EPHX1: variants seen among roughly 807,000 people sequenced by gnomAD.
EPHX1 encodes epoxide hydrolase 1.
Under a neutral mutation model 43.2 loss-of-function variants are expected in EPHX1, and 40 were observed. That is an observed-to-expected ratio of 0.93 (90% confidence interval 0.72 to 1.21). The LOEUF (loss-of-function observed/expected upper bound fraction) is 1.21. Ranked by LOEUF, EPHX1 falls within the 50% of genes most tolerant of loss-of-function variation. The probability of loss-of-function intolerance (pLI) is 0.00; values close to 1 mark genes in which losing one functional copy is unlikely to be tolerated. For synonymous variants in EPHX1, 221 were observed against 226.7 expected, an observed-to-expected ratio of 0.98 and a Z score of 0.22; for missense variants, 550 against 570.4, an observed-to-expected ratio of 0.96 and a Z score of 0.36.
At chr1:225,844,652 C>A in intron 8 of EPHX1, 29 bp downstream of exon 8, 1 of 1,613,072 alleles carries the variant, frequency 6.2e-7, no homozygotes, top group East Asian at 2.2e-5. Context: ...AGAACAGGGG[C>A]CTCTGAGGCT....
intron 2 of EPHX1, among the ~76,000 whole-genome samples, chr1:225,829,371 G>C (rs558861480): frequency 6.6e-6 from 1 of 152,182 alleles, no homozygotes; most frequent in African/African-American, 2.4e-5. Flanking sequence ...GTGATCCCGC[G>C]GGGTGAGGAT....
intron 1 of EPHX1, among the ~76,000 whole-genome samples, chr1:225,813,544 C>G (rs1395895346): frequency 6.6e-6 from 1 of 152,238 alleles, no homozygotes; most frequent in African/African-American, 2.4e-5. Flanking sequence ...CTGCGCAATC[C>G]AATCCTCCGT....
intron 1 of EPHX1, among the ~76,000 whole-genome samples, chr1:225,812,375 CT>C (rs1260444648): frequency 6.6e-6 from 1 of 152,240 alleles, no homozygotes; most frequent in East Asian, 1.9e-4. Context: ...CTGAAGCACA[CT>C]AGCTGGCATG....
chr1:225,844,418 T>G, intron 7 of EPHX1, 80 bp from the exon 8 acceptor site: 1 of 1,609,890 alleles, frequency 6.2e-7, no homozygotes, highest in East Asian at 2.2e-5. Context: ...GGGCCTGGCA[T>G]TTGTAGGACT....
chr1:225,815,117 C>CCCAGGCTGGT (rs1666660904), intron 1 of EPHX1, among the ~76,000 whole-genome samples: 3 of 85,692 alleles, frequency 3.5e-5, no homozygotes, highest in Admixed American at 1.2e-4. Flanking sequence ...CGGGGCACAG[C>CCCAGGCTGGT]CACCAGGTGG....
At chr1:225,824,375 G>A (rs12753757) in intron 1 of EPHX1, among the ~76,000 whole-genome samples, 11,062 of 152,220 alleles carry the variant, frequency 0.073, 575 homozygotes, top group East Asian at 0.21. Context: ...GAGTGCTGTG[G>A]CCACAGATTC....
chr1:225,823,132 A>G (rs917646143), intron 1 of EPHX1, among the ~76,000 whole-genome samples: 5 of 152,180 alleles, frequency 3.3e-5, no homozygotes, highest in Admixed American at 2.0e-4. Context: ...GAGCCCCTCA[A>G]CTAGTAAACA....
Position 225,817,475 on chromosome 1 carries a change from G to A in EPHX1, c.-6+7306G>A, listed in dbSNP as rs1331110138. On this transcript the variant is annotated intron_variant, in intron 1 of 8. Transcript: ENST00000272167. This position sits in a 1 kb window ranked among gnomAD's most constrained non-coding sequence, Gnocchi z 5.7. The stretch of plus-strand genomic sequence containing the variant: ...GGATGTTCCCTTCGCCTTCCCCAGG[G>A]AGGAGTGATGAGGCTGGGGTGCTGG... Among the ~76,000 whole-genome samples, 10 of 152,330 alleles carry A rather than the reference G, an allele frequency of 6.6e-5. No homozygotes were observed. Among genetic ancestry groups the A allele is most frequent in the Non-Finnish European group, 1.5e-5 (1 of 68,024 alleles).
chr1:225,812,879 G>GA (rs1666552052), intron 1 of EPHX1, among the ~76,000 whole-genome samples: 1 of 152,148 alleles, frequency 6.6e-6, no homozygotes, highest in African/African-American at 2.4e-5. Flanking sequence ...ATCTCATACT[G>GA]AAAACCCACC....
At chr1:225,844,678 G>A in intron 8 of EPHX1, 55 bp downstream of exon 8, 1 of 1,607,696 alleles carries the variant, frequency 6.2e-7, no homozygotes, top group Non-Finnish European at 8.5e-7. Flanking sequence ...CAGGGGGACG[G>A]CCAGTCTTGG....
At chr1:225,824,400 G>T (rs1166369580) in intron 1 of EPHX1, among the ~76,000 whole-genome samples, 2 of 152,148 alleles carry the variant, frequency 1.3e-5, no homozygotes, top group Non-Finnish European at 2.9e-5. Context: ...CCTCACAACT[G>T]CAGTGTGATT....
At chr1:225,844,474 G>C in intron 7 of EPHX1, 24 bp from the exon 8 acceptor site, 1 of 1,613,912 alleles carries the variant, frequency 6.2e-7, no homozygotes, top group East Asian at 2.2e-5. Context: ...ACTGAGAGTG[G>C]GGCTTTGTGT....
chr1:225,820,913 G>C (rs1031695044), intron 1 of EPHX1, among the ~76,000 whole-genome samples: 2 of 152,036 alleles, frequency 1.3e-5, no homozygotes, highest in Non-Finnish European at 2.9e-5. Flanking sequence ...TTGTGTGTTA[G>C]TCCTGGTGCC....
chr1:225,823,769 T>TC (rs1667092860), intron 1 of EPHX1, among the ~76,000 whole-genome samples: 1 of 151,930 alleles, frequency 6.6e-6, no homozygotes. Context: ...GCGTGAGCAG[T>TC]CCTTCTCACT....
At chr1:225,825,353 C>T (rs1480223580) in intron 1 of EPHX1, 2 of 152,272 alleles carry the variant, frequency 1.3e-5, no homozygotes, top group African/African-American at 4.8e-5. Flanking sequence ...CTGCCTCTCT[C>T]ACAGGCCCTT....
intron 4 of EPHX1, 146 bp from the exon 5 acceptor site, chr1:225,839,071 C>A: frequency 1.4e-6 from 2 of 1,415,320 alleles, no homozygotes; most frequent in Non-Finnish European, 9.7e-7. Flanking sequence ...TATATTTGGG[C>A]TCCAGGATTC....
intron 1 of EPHX1, among the ~76,000 whole-genome samples, chr1:225,818,639 C>T (rs1666833343): frequency 6.6e-6 from 1 of 152,128 alleles, no homozygotes; most frequent in Non-Finnish European, 1.5e-5. Context: ...ACTTAGCTTT[C>T]AAGTAAACTG....
rs762318357 is a variant in EPHX1, at chr1:225,838,684, C to A, written c.395C>A (p.Pro132His). 22 of 1,614,072 alleles carry A rather than the reference C, an allele frequency of 1.4e-5. No individual in the cohort carries two copies. The highest frequency in any genetic ancestry group is 1.7e-5 in the Admixed American group (1 of 60,016). ...GACATCCACTTCATCCACGTGAAGC[C>A]CCCCCAGCTGCCCGCAGGCCATACC... ...GLDIHFIHVK[P>H]PQLPAGHTPK... The change falls in exon 4 of 9, where the codon CCC (proline) becomes CAC (histidine). Residue 132 changes from proline to histidine, a missense_variant. Physicochemically the swap from Pro to His is moderately conservative, Grantham distance 77. Transcript: ENST00000272167.
intron 1 of EPHX1, among the ~76,000 whole-genome samples, chr1:225,811,872 G>A (rs536944551): frequency 6.6e-6 from 1 of 152,224 alleles, no homozygotes; most frequent in Non-Finnish European, 1.5e-5. Context: ...GCATGCCCTC[G>A]TGGGATTTGC....
Sources: gnomAD v4.1 joint callset for allele counts (sites outside exome capture counted in the v4.1 genomes callset) on GRCh38, gnomAD v4.1.1 for gene constraint, Gnocchi (gnomAD v3.1) non-coding constraint, MANE v1.5 for transcripts, NCBI Gene and HGNC (gene_info 2026-07-23, HGNC 2026-07-21) for gene names.